CEP170: variants seen among roughly 807,000 people sequenced by gnomAD.
The protein encoded by CEP170 is centrosomal protein of 170 kDa.
Under a neutral mutation model 151.9 loss-of-function variants are expected in CEP170, and 21 were observed. The observed-to-expected ratio is 0.14, with a 90% confidence interval of 0.10 to 0.20. The LOEUF is 0.20. Ranked by LOEUF, CEP170 falls within the 10% of genes least tolerant of loss-of-function variation. The pLI, the probability that CEP170 is intolerant of heterozygous loss-of-function variation, is 1.00. For missense variants in CEP170, 964 were observed against 1,892.9 expected (o/e 0.51, Z 9.11); for synonymous variants, 356 against 648.8 (o/e 0.55, Z 6.86).
At chr1:243,217,088 A>G (rs2062366976) in intron 3 of CEP170, among the ~76,000 whole-genome samples, 1 of 152,176 alleles carries the variant, frequency 6.6e-6, no homozygotes, top group African/African-American at 2.4e-5. Flanking sequence ...CTAGGCTACA[A>G]ATCTATACAG....
chr1:243,208,065 T>C (rs1275515518), intron 4 of CEP170, among the ~76,000 whole-genome samples: 1 of 152,110 alleles, frequency 6.6e-6, no homozygotes. Context: ...AAGGATGCCT[T>C]CCTTTTTCAT....
At chr1:243,229,124 A>G (rs1366932442) in intron 1 of CEP170, among the ~76,000 whole-genome samples, 3 of 152,210 alleles carry the variant, frequency 2.0e-5, no homozygotes, top group Admixed American at 2.0e-4. Flanking sequence ...ACACCCACAC[A>G]TGGATAAAAC....
intron 8 of CEP170, among the ~76,000 whole-genome samples, chr1:243,190,154 T>C (rs1243552501): frequency 2.6e-5 from 4 of 152,182 alleles, no homozygotes; most frequent in South Asian, 4.1e-4. Context: ...AAGTACTAGA[T>C]GAAGTGTTAG....
At chr1:243,152,970 T>C (rs2057248054) in intron 14 of CEP170, among the ~76,000 whole-genome samples, 1 of 152,250 alleles carries the variant, frequency 6.6e-6, no homozygotes, top group South Asian at 2.1e-4. Flanking sequence ...TTCACCATTC[T>C]ACATGCCATT....
chr1:243,254,307 ATGT>A lies in CEP170; in HGVS notation c.-42+730_-42+732del, dbSNP rs2066308771. ...CCCGCCCTGTGTTAGGCAGCTGCAA[ATGT>A]TATTTTTTCATCGCTTGCATAAAAT... On this transcript the variant is annotated intron_variant, in intron 1 of 19. Transcript: ENST00000366542. The A allele has an allele frequency of 7.2e-5, 11 of 152,190 alleles. No individual in the cohort carries two copies. In the East Asian group the frequency reaches 2.1e-3, roughly 29 times the overall value. 9.4% of individuals were successfully genotyped at this position (152,190 alleles called of 1,614,324 possible). A position where few individuals can be genotyped will look rare whatever the true frequency, so the allele number is the denominator to read the frequency against.
At chr1:243,174,796 C>A (rs1376395358) in intron 10 of CEP170, among the ~76,000 whole-genome samples, 1 of 152,154 alleles carries the variant, frequency 6.6e-6, no homozygotes, top group African/African-American at 2.4e-5. Context: ...AGTTTAACAG[C>A]AGTGAAAAAA....
At chr1:243,224,799 A>G (rs2063099377) in intron 2 of CEP170, among the ~76,000 whole-genome samples, 1 of 152,206 alleles carries the variant, frequency 6.6e-6, no homozygotes, top group African/African-American at 2.4e-5. Flanking sequence ...AACTCCTGGC[A>G]GGTATCATAA....
chr1:243,245,993 A>G (rs1159531298), intron 1 of CEP170, among the ~76,000 whole-genome samples: 5 of 152,020 alleles, frequency 3.3e-5, no homozygotes, highest in African/African-American at 1.2e-4. Flanking sequence ...GATACGTAAT[A>G]TTCAGCACTG....
At chr1:243,201,957 A>G (rs2061066920) in intron 4 of CEP170, among the ~76,000 whole-genome samples, 1 of 152,158 alleles carries the variant, frequency 6.6e-6, no homozygotes, top group African/African-American at 2.4e-5. Context: ...ACACTGGTAT[A>G]TATTTGCTGG....
At chr1:243,218,185 T>C (rs1396514056) in intron 3 of CEP170, among the ~76,000 whole-genome samples, 3 of 152,200 alleles carry the variant, frequency 2.0e-5, no homozygotes, top group African/African-American at 7.2e-5. Flanking sequence ...TTTCAACCTT[T>C]AGTGAAGACC....
intron 4 of CEP170, among the ~76,000 whole-genome samples, chr1:243,210,187 T>C (rs879519168): frequency 6.6e-6 from 1 of 152,222 alleles, no homozygotes; most frequent in South Asian, 2.1e-4. Context: ...GAAAATAGTA[T>C]ACTATTGTGT....
chr1:243,199,490 G>C (rs1375088056), intron 6 of CEP170, among the ~76,000 whole-genome samples: 1 of 152,018 alleles, frequency 6.6e-6, no homozygotes, highest in Non-Finnish European at 1.5e-5. Flanking sequence ...TAACTGAACT[G>C]CTTGTAACAA....
rs1280963265 is a variant in CEP170 at position 243,234,886 on chromosome 1, T to C, written c.-41-9565A>G. On this transcript the variant is annotated intron_variant, in intron 1 of 19. Transcript: ENST00000366542. ...TTTTATTCATAATTGGTAGCATTTA[T>C]TGACTACTTAATATGAATCAGGCAC... is the stretch of plus-strand genomic sequence containing the variant. Among the ~76,000 whole-genome samples, 3 of 152,340 alleles carry C rather than the reference T, an allele frequency of 2.0e-5. No homozygotes were observed. The East Asian group carries it at 5.8e-4, about 29-fold the overall frequency.
intron 1 of CEP170, among the ~76,000 whole-genome samples, chr1:243,240,206 A>C (rs985848036): frequency 5.3e-5 from 8 of 152,188 alleles, no homozygotes; most frequent in African/African-American, 1.9e-4. Flanking sequence ...GCTACTCAGG[A>C]GGCTGAGGTA....
At chr1:243,228,192 G>A (rs1290973789) in intron 1 of CEP170, among the ~76,000 whole-genome samples, 1 of 152,070 alleles carries the variant, frequency 6.6e-6, no homozygotes, top group African/African-American at 2.4e-5. Flanking sequence ...CCTGTAAAAT[G>A]CAGAACTTTA....
At chr1:243,226,087 ATATC>A (rs1260011886) in intron 1 of CEP170, among the ~76,000 whole-genome samples, 1 of 144,794 alleles carries the variant, frequency 6.9e-6, no homozygotes, top group Non-Finnish European at 1.5e-5. Context: ...AGATATAAAT[ATATC>A]TATATATATA....
intron 1 of CEP170, among the ~76,000 whole-genome samples, chr1:243,234,604 T>C (rs1023470776): frequency 1.3e-5 from 2 of 152,184 alleles, no homozygotes; most frequent in Non-Finnish European, 2.9e-5. Flanking sequence ...TCATACCAAG[T>C]ATCTAAAAGA....
At chr1:243,137,620 C>A (rs546225135) in intron 16 of CEP170, among the ~76,000 whole-genome samples, 1 of 151,948 alleles carries the variant, frequency 6.6e-6, no homozygotes, top group East Asian at 1.9e-4. Context: ...ACTAAAAATA[C>A]AAAAATTAGC....
intron 10 of CEP170, among the ~76,000 whole-genome samples, chr1:243,176,538 A>G (rs552933997): frequency 6.7e-6 from 1 of 148,240 alleles, no homozygotes; most frequent in Non-Finnish European, 1.5e-5. Flanking sequence ...GGTCTGGGGT[A>G]AGAAGGCAGT....
Sources: gnomAD v4.1 joint callset for allele counts (sites outside exome capture counted in the v4.1 genomes callset) on GRCh38, gnomAD v4.1.1 for gene constraint, MANE v1.5 for transcripts, NCBI Gene and HGNC (gene_info 2026-07-23, HGNC 2026-07-21) for gene names.